Variants in RGL1 observed in about 807,000 individuals in gnomAD.
RGL1 encodes the protein ral guanine nucleotide dissociation stimulator like 1.
In RGL1, 24 loss-of-function variants were observed where a neutral mutation model predicts 95.2. The ratio of observed to expected loss-of-function variants is 0.25; its 90% CI spans 0.18 to 0.35. RGL1 has a LOEUF of 0.35. Among genes scored for constraint, RGL1 ranks in the 10% least tolerant of loss-of-function variants. The pLI is 1.00. For synonymous variants in RGL1, 329 were observed against 344.9 expected, an observed-to-expected ratio of 0.95 and a Z score of 0.51; for missense variants, 715 against 936.3, an observed-to-expected ratio of 0.76 and a Z score of 3.08.
chr1:183,855,999 C>A (rs987693473), intron 3 of RGL1, among the ~76,000 whole-genome samples: 2 of 152,148 alleles, frequency 1.3e-5, no homozygotes, highest in Admixed American at 6.5e-5. Flanking sequence ...CCAACCCACC[C>A]ATGCATGAAA....
chr1:183,767,300 C>T (rs1215016186), intron 2 of RGL1, among the ~76,000 whole-genome samples: 1 of 150,922 alleles, frequency 6.6e-6, no homozygotes, highest in African/African-American at 2.4e-5. Flanking sequence ...TAAGTAAAAC[C>T]CAAAGGAGAA....
chr1:183,643,542 C>T (rs1377348896), intron 1 of RGL1, among the ~76,000 whole-genome samples: 1 of 152,094 alleles, frequency 6.6e-6, no homozygotes. Flanking sequence ...CCGCCTACCT[C>T]GGCCTCCCAA....
At chr1:183,799,124 G>A (rs2500095) in intron 2 of RGL1, among the ~76,000 whole-genome samples, 56,497 of 151,400 alleles carry the variant, frequency 0.37, 11,236 homozygotes, top group South Asian at 0.58. Flanking sequence ...GGATGGTCTC[G>A]ATCTCCCAAC....
At chr1:183,775,132 C>T (rs1008382217) in intron 2 of RGL1, among the ~76,000 whole-genome samples, 9 of 152,254 alleles carry the variant, frequency 5.9e-5, no homozygotes, top group East Asian at 1.9e-4. Context: ...CTGCAGCACC[C>T]GATTAAAGCC....
At chr1:183,876,012 A>T in intron 4 of RGL1, among the ~76,000 whole-genome samples, 1 of 151,846 alleles carries the variant, frequency 6.6e-6, no homozygotes, top group East Asian at 1.9e-4. Flanking sequence ...CCTCTGCCTC[A>T]TTGCTGCCCC....
rs754894546 is a variant in RGL1 at position 183,828,501 on chromosome 1, G to A, written c.139-19065G>A. Among the ~76,000 whole-genome samples, 80 of 152,308 alleles carry A rather than the reference G, an allele frequency of 5.3e-4. 1 individual carries two copies. Among genetic ancestry groups the A allele is most frequent in the Non-Finnish European group, 8.7e-4 (59 of 68,024 alleles). On this transcript the variant is annotated intron_variant, in intron 2 of 17. Transcript: ENST00000360851. Reference sequence around the variant, plus strand: ...AATGGGGGGCCTGACCTACTCGGCCGTCTGGTGCTGCTCCTTCCGTGAGGC... The same window carrying A: ...AATGGGGGGCCTGACCTACTCGGCCATCTGGTGCTGCTCCTTCCGTGAGGC...
At chr1:183,646,657 A>G (rs906532916) in intron 1 of RGL1, 8 of 152,242 alleles carry the variant, frequency 5.3e-5, no homozygotes, top group African/African-American at 1.9e-4. Context: ...GGAGTCAGAA[A>G]GAGGGAAGTA....
At chr1:183,797,294 A>C (rs1660748117) in intron 2 of RGL1, among the ~76,000 whole-genome samples, 1 of 152,106 alleles carries the variant, frequency 6.6e-6, no homozygotes. Context: ...GCGCCACGGC[A>C]CTCCAGCCTG....
chr1:183,697,565 T>A (rs1383215242), intron 1 of RGL1, among the ~76,000 whole-genome samples: 1 of 152,234 alleles, frequency 6.6e-6, no homozygotes, highest in Non-Finnish European at 1.5e-5. Context: ...TTAATCATTT[T>A]AAATTCTCCT....
intron 15 of RGL1, among the ~76,000 whole-genome samples, chr1:183,916,074 T>G (rs1435304083): frequency 6.6e-6 from 1 of 152,234 alleles, no homozygotes; most frequent in Non-Finnish European, 1.5e-5. Flanking sequence ...CTGAATCAAC[T>G]GCGTTGGCAA....
rs750622205 is a variant in RGL1 at position 183,648,281 on chromosome 1, T to A, written c.-33+11780T>A. On this transcript the variant is annotated intron_variant, in intron 1 of 18. Coordinates refer to the RGL1 transcript ENST00000304685. ...TCCGGAGAGCTTCGCGGTTCCATGC[T>A]GAGGCAGGAAAGTCCATCTCAGTAT... 7 of 1,614,068 alleles carry A rather than the reference T, an allele frequency of 4.3e-6. 2 individuals are homozygous for A. The South Asian group carries it at 6.6e-5, about 15-fold the overall frequency.
chr1:183,791,494 A>G (rs1307712048), intron 2 of RGL1, among the ~76,000 whole-genome samples: 1 of 152,232 alleles, frequency 6.6e-6, no homozygotes, highest in African/African-American at 2.4e-5. Context: ...TTTCATCCAA[A>G]AGACAAATAT....
intron 1 of RGL1, among the ~76,000 whole-genome samples, chr1:183,678,246 A>G (rs759965864): frequency 2.0e-5 from 3 of 152,188 alleles, no homozygotes; most frequent in Non-Finnish European, 4.4e-5. Flanking sequence ...TTTCTGTGGA[A>G]TAGATTGGTG....
intron 8 of RGL1, among the ~76,000 whole-genome samples, chr1:183,888,812 G>C (rs1343409718): frequency 6.6e-6 from 1 of 152,158 alleles, no homozygotes; most frequent in Non-Finnish European, 1.5e-5. Context: ...CTTTGGGGAT[G>C]ATTTGAAGGA....
intron 2 of RGL1, among the ~76,000 whole-genome samples, chr1:183,774,767 G>T (rs899087589): frequency 2.0e-5 from 3 of 151,656 alleles, no homozygotes; most frequent in Non-Finnish European, 2.9e-5. Context: ...GTAGAGACGG[G>T]GTGTCACCAA....
intron 2 of RGL1, among the ~76,000 whole-genome samples, chr1:183,831,345 G>A (rs1663245946): frequency 6.6e-6 from 1 of 152,210 alleles, no homozygotes; most frequent in African/African-American, 2.4e-5. Context: ...AGGAAGGCCA[G>A]TGTGGTTGGG....
At chr1:183,853,873 A>G (rs532171062) in intron 3 of RGL1, among the ~76,000 whole-genome samples, 1 of 152,234 alleles carries the variant, frequency 6.6e-6, no homozygotes, top group Admixed American at 6.5e-5. Flanking sequence ...CCTTTTCACT[A>G]CTACCTCAAG....
chr1:183,919,500 C>A (rs1474432323), intron 16 of RGL1, among the ~76,000 whole-genome samples: 1 of 152,108 alleles, frequency 6.6e-6, no homozygotes, highest in Admixed American at 6.5e-5. Flanking sequence ...CTCATGGATC[C>A]CCTCACAGAT....
chr1:183,924,453 A>T (rs952336659), intron 17 of RGL1, among the ~76,000 whole-genome samples: 8 of 152,052 alleles, frequency 5.3e-5, no homozygotes, highest in African/African-American at 1.9e-4. Flanking sequence ...GGAGGGGAAT[A>T]TCACACACCG....
Sources: allele counts gnomAD v4.1 joint callset (sites outside exome capture counted in the v4.1 genomes callset), GRCh38; gene constraint gnomAD v4.1.1; transcripts MANE v1.5; gene names NCBI Gene and HGNC (gene_info 2026-07-23, HGNC 2026-07-21).